The following PPP6R3 variants were observed in gnomAD, a reference collection of about 807,000 sequenced individuals.
PPP6R3 encodes protein phosphatase 6 regulatory subunit 3, also known as serine/threonine-protein phosphatase 6 regulatory subunit 3.
Under a neutral mutation model 110.7 loss-of-function variants are expected in PPP6R3, and 38 were observed. That is an observed-to-expected ratio of 0.34 (90% CI 0.26 to 0.45). The LOEUF is 0.45. Ranked by LOEUF, PPP6R3 falls within the 20% of genes least tolerant of loss-of-function variation. The probability of loss-of-function intolerance (pLI) is 1.00; values close to 1 mark genes in which losing one functional copy is unlikely to be tolerated. For synonymous variants in PPP6R3, 369 were observed against 373.5 expected (o/e 0.99, Z 0.14); for missense variants, 870 against 1,062.4 (o/e 0.82, Z 2.52).
At chr11:68,591,350 A>G (rs979802746) in intron 17 of PPP6R3, among the ~76,000 whole-genome samples, 4 of 152,176 alleles carry the variant, frequency 2.6e-5, no homozygotes, top group Non-Finnish European at 4.4e-5. Context: ...GATATGGTCT[A>G]TGCTTCTTTT....
intron 2 of PPP6R3, among the ~76,000 whole-genome samples, chr11:68,536,175 A>G (rs998235120): frequency 3.9e-5 from 6 of 151,960 alleles, no homozygotes; most frequent in African/African-American, 1.5e-4. Context: ...TATGATCTCT[A>G]TTTAAAAAAC....
chr11:68,599,516 C>T (rs1465415379), intron 19 of PPP6R3, among the ~76,000 whole-genome samples: 1 of 152,250 alleles, frequency 6.6e-6, no homozygotes, highest in Admixed American at 6.5e-5. Context: ...CTGCAGTGCA[C>T]TGCAGGGAGC....
At chr11:68,514,435 T>G (rs2099125925) in intron 1 of PPP6R3, among the ~76,000 whole-genome samples, 1 of 152,172 alleles carries the variant, frequency 6.6e-6, no homozygotes, top group Non-Finnish European at 1.5e-5. Context: ...TGTCTGCTCA[T>G]GACTGTTAGT....
chr11:68,519,834 T>C (rs529301971), intron 2 of PPP6R3, among the ~76,000 whole-genome samples, 183 bp downstream of exon 2: 1 of 152,286 alleles, frequency 6.6e-6, no homozygotes, highest in East Asian at 1.9e-4. Context: ...CTCTTCAGTC[T>C]GCTTTGGTAT....
At chr11:68,464,636 T>C (rs1010136921) in intron 1 of PPP6R3, among the ~76,000 whole-genome samples, 1 of 152,234 alleles carries the variant, frequency 6.6e-6, no homozygotes, top group African/African-American at 2.4e-5. Context: ...TTAACCATTT[T>C]TCAGATGCCT....
At chr11:68,498,674 T>C (rs188302392) in intron 1 of PPP6R3, among the ~76,000 whole-genome samples, 24 of 152,368 alleles carry the variant, frequency 1.6e-4, no homozygotes, top group Non-Finnish European at 3.2e-4. Flanking sequence ...CAGTTGATTA[T>C]TTGTTACTGT....
rs2099408415 is a variant in PPP6R3, at chr11:68,558,733, T to C, written c.845+54T>C. 11 of 1,388,356 alleles carry C rather than the reference T, an allele frequency of 7.9e-6. No homozygotes were observed. The South Asian group carries it at 1.3e-4, about 17-fold the overall frequency. 86.0% of individuals were successfully genotyped at this position (1,388,356 alleles called of 1,614,324 possible). A position where few individuals can be genotyped will look rare whatever the true frequency, so the allele number is the denominator to read the frequency against. On this transcript the variant is annotated intron_variant, in intron 8 of 23. Coordinates refer to ENST00000393800, the MANE Select transcript of PPP6R3 (RefSeq NM_001164161.2). ...AACCATGTTGTTTTGCTTTCAGATT[T>C]AAGAGTTAAATTCTTAGTGGATAAG... is the stretch of plus-strand genomic sequence containing the variant.
At chr11:68,609,785 G>C in intron 22 of PPP6R3, 119 bp from the exon 23 acceptor site, 1 of 1,563,984 alleles carries the variant, frequency 6.4e-7, no homozygotes, top group Non-Finnish European at 8.8e-7. Context: ...CTCAGTCCCA[G>C]GATGCTTTGC....
At chr11:68,580,932 C>T (rs1457452265) in intron 14 of PPP6R3, among the ~76,000 whole-genome samples, 7 of 151,972 alleles carry the variant, frequency 4.6e-5, no homozygotes, top group East Asian at 3.9e-4. Context: ...CCACCGTGCC[C>T]GGCTAATTTT....
At chr11:68,500,041 C>A (rs1471109534) in intron 1 of PPP6R3, among the ~76,000 whole-genome samples, 1 of 151,962 alleles carries the variant, frequency 6.6e-6, no homozygotes, top group East Asian at 1.9e-4. Flanking sequence ...CAATTTTGTC[C>A]ATTATATTTT....
At chr11:68,595,289 C>T (rs997665482) in intron 18 of PPP6R3, among the ~76,000 whole-genome samples, 6 of 137,530 alleles carry the variant, frequency 4.4e-5, no homozygotes, top group African/African-American at 1.6e-4. Context: ...GATCTCAGCT[C>T]ACTGCAGCCT....
chr11:68,521,065 T>G (rs1425645300), intron 2 of PPP6R3, among the ~76,000 whole-genome samples: 1 of 152,110 alleles, frequency 6.6e-6, no homozygotes, highest in Non-Finnish European at 1.5e-5. Context: ...AGCCACCGCG[T>G]CCGGCCTCAC....
chr11:68,480,848 T>C (rs552014270), intron 1 of PPP6R3, among the ~76,000 whole-genome samples: 1 of 152,324 alleles, frequency 6.6e-6, no homozygotes, highest in South Asian at 2.1e-4. Flanking sequence ...TATGGAGTGT[T>C]CATGTGTCAA....
chr11:68,569,536 T>C (rs2099494246), intron 10 of PPP6R3, among the ~76,000 whole-genome samples: 1 of 152,228 alleles, frequency 6.6e-6, no homozygotes, highest in Non-Finnish European at 1.5e-5. Context: ...TCACCTATTT[T>C]CAGATCATGG....
intron 1 of PPP6R3, among the ~76,000 whole-genome samples, chr11:68,473,169 C>T (rs1005471952): frequency 6.6e-6 from 1 of 152,180 alleles, no homozygotes; most frequent in African/African-American, 2.4e-5. Flanking sequence ...GGGCTGGTCA[C>T]TGGAAAGACC....
At position 68,497,109 on chromosome 11, in the gene PPP6R3, C is replaced by T. The variant is rs181550028; in HGVS notation, c.-157-22392C>T. On this transcript the variant is annotated intron_variant, in intron 1 of 23. Transcript: ENST00000393800. ...TCACCCAGGCGGGAGTGCAGTGGTG[C>T]GATCTCGGCTCACTGCAAGCTCCGC... 3.7e-3 allele frequency among the ~76,000 whole-genome samples: 563 copies of T among 151,504 alleles called. 7 individuals are homozygous for T. The highest frequency in any genetic ancestry group is 0.011 in the African/African-American group (455 of 41,334).
intron 5 of PPP6R3, among the ~76,000 whole-genome samples, chr11:68,549,877 G>T (rs542757568): frequency 7.2e-5 from 11 of 152,286 alleles, no homozygotes; most frequent in Non-Finnish European, 1.3e-4. Flanking sequence ...TCCACAGTCG[G>T]AGATGACTAC....
chr11:68,494,931 G>A (rs1592014911), intron 1 of PPP6R3, among the ~76,000 whole-genome samples: 1 of 152,150 alleles, frequency 6.6e-6, no homozygotes, highest in South Asian at 2.1e-4. Flanking sequence ...GGAGTTATGA[G>A]AAATAAGTGA....
intron 1 of PPP6R3, among the ~76,000 whole-genome samples, chr11:68,499,088 C>G (rs2099034430): frequency 6.6e-6 from 1 of 152,064 alleles, no homozygotes; most frequent in African/African-American, 2.4e-5. Context: ...TTTTATGAAA[C>G]ATATGTTTAA....
Sources: gnomAD v4.1 joint callset for allele counts (sites outside exome capture counted in the v4.1 genomes callset) on GRCh38, gnomAD v4.1.1 for gene constraint, MANE v1.5 for transcripts, NCBI Gene and HGNC (gene_info 2026-07-23, HGNC 2026-07-21) for gene names.